IGF2BP3: variants seen among roughly 807,000 people sequenced by gnomAD.
The protein encoded by IGF2BP3 is insulin-like growth factor 2 mRNA-binding protein 3.
IGF2BP3 carries 9 observed loss-of-function variants against 73.8 expected under a neutral mutation model. The observed-to-expected ratio is 0.12, with a 90% CI of 0.07 to 0.21. The LOEUF (loss-of-function observed/expected upper bound fraction) is 0.21. IGF2BP3 is among the 10% of genes least tolerant of loss of function. The pLI is 1.00. For synonymous variants in IGF2BP3, 258 were observed against 256.7 expected (o/e 1.01, Z -0.05); for missense variants, 542 against 714.0 (o/e 0.76, Z 2.75).
rs117714879 is a variant in IGF2BP3, at chr7:23,459,859, T to G, written c.236+8623A>C. On this transcript the variant is annotated intron_variant, in intron 2 of 14. Transcript: ENST00000258729. ...AAAAGAAGAAGAACTGGACTTGGTCTACACTCTTTTGGAACCTAAGATAGG... is the reference window on the plus strand; with the variant it reads ...AAAAGAAGAAGAACTGGACTTGGTCGACACTCTTTTGGAACCTAAGATAGG... 5.3e-3 allele frequency among the ~76,000 whole-genome samples: 804 copies of G among 151,918 alleles called. 1 individual carries two copies. The highest frequency in any genetic ancestry group is 0.027 in the Middle Eastern group (8 of 294).
At chr7:23,407,105 TA>T (rs1326172317) in intron 3 of IGF2BP3, among the ~76,000 whole-genome samples, 1 of 150,650 alleles carries the variant, frequency 6.6e-6, no homozygotes. Flanking sequence ...GAGATATCAC[TA>T]GAGACCCCAC....
At position 23,454,687 on chromosome 7, in the gene IGF2BP3, C is replaced by T. The variant is rs144076663; in HGVS notation, c.236+13795G>A. Among the ~76,000 whole-genome samples the T allele has an allele frequency of 1.5e-3, 232 of 152,312 alleles. 1 individual carries two copies. The highest frequency in any genetic ancestry group is 5.5e-3 in the African/African-American group (227 of 41,564). On this transcript the variant is annotated intron_variant, in intron 2 of 14. Transcript: ENST00000258729. ...GGCTAAGCAAAGGTTCCTACTGAGG[C>T]CTGTGTAGCTCCAAGCAAGATGCCA...
At chr7:23,440,923 T>C (rs748914317) in intron 2 of IGF2BP3, among the ~76,000 whole-genome samples, 2 of 152,228 alleles carry the variant, frequency 1.3e-5, no homozygotes, top group Admixed American at 6.5e-5. Flanking sequence ...CCCTTCTCTA[T>C]AGATTTATCT....
chr7:23,453,465 G>A (rs1314334343), intron 2 of IGF2BP3, among the ~76,000 whole-genome samples: 1 of 152,184 alleles, frequency 6.6e-6, no homozygotes, highest in Non-Finnish European at 1.5e-5. Context: ...AGAATTCTGT[G>A]TTTTACAGAC....
intron 2 of IGF2BP3, among the ~76,000 whole-genome samples, chr7:23,456,431 G>GC (rs1788319420): frequency 6.6e-6 from 1 of 152,170 alleles, no homozygotes; most frequent in Non-Finnish European, 1.5e-5. Context: ...AGTTTCCTCC[G>GC]CAAGAAACTA....
chr7:23,453,901 A>T (rs916576707), intron 2 of IGF2BP3, among the ~76,000 whole-genome samples: 11 of 152,152 alleles, frequency 7.2e-5, no homozygotes, highest in Non-Finnish European at 1.5e-4. Flanking sequence ...CCCAGCTTGG[A>T]ATGCAGTGGT....
chr7:23,437,200 G>A (rs1047013628), intron 2 of IGF2BP3, among the ~76,000 whole-genome samples: 2 of 151,666 alleles, frequency 1.3e-5, no homozygotes, highest in Admixed American at 6.6e-5. Flanking sequence ...TAAAATTATC[G>A]GCCAGGCATG....
At chr7:23,323,190 A>T (rs1784205908) in intron 10 of IGF2BP3, among the ~76,000 whole-genome samples, 1 of 152,164 alleles carries the variant, frequency 6.6e-6, no homozygotes, top group Non-Finnish European at 1.5e-5. Flanking sequence ...ACGTGCAGAC[A>T]CACACATAGG....
chr7:23,326,905 T>C (rs909911569), intron 10 of IGF2BP3, among the ~76,000 whole-genome samples: 3 of 115,386 alleles, frequency 2.6e-5, no homozygotes, highest in Admixed American at 1.1e-4. Flanking sequence ...CATCACACTC[T>C]GGGGACTGTT....
At chr7:23,339,007 GTTGTTGTAT>G (rs542306612) in intron 10 of IGF2BP3, among the ~76,000 whole-genome samples, 3 of 152,364 alleles carry the variant, frequency 2.0e-5, no homozygotes, top group African/African-American at 7.2e-5. Flanking sequence ...GACTGTCCAT[GTTGTTGTAT>G]TCCTTTAAGA....
Position 23,310,466 on chromosome 7 carries a change from G to A in IGF2BP3, c.*1896C>T, listed in dbSNP as rs1252129469. The stretch of plus-strand genomic sequence containing the variant: ...GCAGATATAAATGCAGCACCTATGT[G>A]TATATTTTTAAAAAATCAAATATTG... On this transcript the variant is annotated 3_prime_UTR_variant, in exon 15 of 15. Transcript: ENST00000258729. The A allele has an allele frequency of 1.3e-5, 2 of 152,136 alleles. No individual in the cohort carries two copies. Among genetic ancestry groups the A allele is most frequent in the African/African-American group, 4.8e-5 (2 of 41,438 alleles). 9.4% of individuals were successfully genotyped at this position (152,136 alleles called of 1,614,324 possible). A position where few individuals can be genotyped will look rare whatever the true frequency, so the allele number is the denominator to read the frequency against.
intron 3 of IGF2BP3, among the ~76,000 whole-genome samples, chr7:23,370,880 TG>T (rs1785522418): frequency 6.6e-6 from 1 of 151,862 alleles, no homozygotes; most frequent in South Asian, 2.1e-4. Flanking sequence ...AGTTTTGCCA[TG>T]TTGGCCAGGC....
chr7:23,424,600 G>GA (rs1296130091), intron 2 of IGF2BP3, among the ~76,000 whole-genome samples: 1 of 151,506 alleles, frequency 6.6e-6, no homozygotes, highest in African/African-American at 2.4e-5. Context: ...AATCACAAAA[G>GA]AAAGAGTCAA....
intron 10 of IGF2BP3, among the ~76,000 whole-genome samples, chr7:23,330,350 T>C (rs909412446): frequency 2.0e-5 from 3 of 148,736 alleles, no homozygotes; most frequent in African/African-American, 7.3e-5. Flanking sequence ...ATTTATATTA[T>C]ATATATATTT....
chr7:23,431,461 G>A (rs1259389399), intron 2 of IGF2BP3, among the ~76,000 whole-genome samples: 2 of 152,096 alleles, frequency 1.3e-5, no homozygotes, highest in Non-Finnish European at 2.9e-5. Flanking sequence ...AAAGTGGAAA[G>A]GAGGAAACAT....
At chr7:23,433,063 CTTAATA>C (rs1265377382) in intron 2 of IGF2BP3, among the ~76,000 whole-genome samples, 2 of 152,124 alleles carry the variant, frequency 1.3e-5, no homozygotes, top group Admixed American at 6.5e-5. Flanking sequence ...TTTCAAAAGT[CTTAATA>C]TTAACACAAT....
chr7:23,388,627 T>C (rs868721364), intron 3 of IGF2BP3, among the ~76,000 whole-genome samples: 2 of 151,710 alleles, frequency 1.3e-5, no homozygotes, highest in South Asian at 4.2e-4. Flanking sequence ...TTTTTTTTTT[T>C]TCCAGTCCAA....
At chr7:23,415,181 C>A in intron 3 of IGF2BP3, 1 of 232,664 alleles carries the variant, frequency 4.3e-6, no homozygotes, top group Non-Finnish European at 8.6e-6. Flanking sequence ...TCCCGTCCGT[C>A]AGTCGGCTTC....
intron 3 of IGF2BP3, among the ~76,000 whole-genome samples, chr7:23,368,209 AT>A (rs1445207022): frequency 1.3e-5 from 2 of 152,112 alleles, no homozygotes; most frequent in Non-Finnish European, 2.9e-5. Flanking sequence ...GTACAATGGA[AT>A]ATTATTCAAC....
Sources: gnomAD v4.1 joint callset for allele counts (sites outside exome capture counted in the v4.1 genomes callset) on GRCh38, gnomAD v4.1.1 for gene constraint, MANE v1.5 for transcripts, NCBI Gene and HGNC (gene_info 2026-07-23, HGNC 2026-07-21) for gene names.